Variants in SHMT1 observed in about 807,000 individuals in gnomAD.
SHMT1 encodes the protein serine hydroxymethyltransferase 1, also known as serine hydroxymethyltransferase, cytosolic.
Under a neutral mutation model 49.0 loss-of-function variants are expected in SHMT1, and 45 were observed. That is an observed-to-expected ratio of 0.92 (90% CI 0.72 to 1.18). The LOEUF is 1.18. Among genes scored for constraint, SHMT1 ranks in the 50% most tolerant of loss-of-function variants. SHMT1 has a pLI of 0.00. For synonymous variants in SHMT1, 232 were observed against 246.6 expected, an observed-to-expected ratio of 0.94 and a Z score of 0.55; for missense variants, 541 against 612.4, an observed-to-expected ratio of 0.88 and a Z score of 1.23.
intron 7 of SHMT1, among the ~76,000 whole-genome samples, chr17:18,338,290 G>C (rs187031834): frequency 6.6e-6 from 1 of 150,926 alleles, no homozygotes; most frequent in Non-Finnish European, 1.5e-5. Flanking sequence ...GAGCCCCTCC[G>C]CCTGGCAGTC....
At chr17:18,335,835 T>C (rs577343373) in intron 7 of SHMT1, among the ~76,000 whole-genome samples, 160 bp from the exon 8 acceptor site, 1 of 152,276 alleles carries the variant, frequency 6.6e-6, no homozygotes, top group East Asian at 1.9e-4. Flanking sequence ...AGGGGACCCT[T>C]GCCTCCTGAG....
In SHMT1 at chr17:18,353,739, G is replaced by A. The variant is rs570376791; in HGVS notation, c.175C>T (p.Arg59Ter). ...ELIASENFASRAVLEALGSCL... is the reference protein window; with the variant it reads ...ELIASENFAS The stretch of plus-strand genomic sequence containing the variant: ...GAGCCTAGGGCCTCCAAAACTGCTC[G>A]GCTGGCGAAATTCTCCGAGGCAATC... The change falls in exon 3 of 12, where the codon CGA becomes TGA. Residue 59 changes from arginine (R) to a stop codon, truncating the protein, a stop_gained. Transcript: ENST00000316694. LOFTEE classifies it high-confidence loss of function. 11 of 1,613,942 alleles carry A rather than the reference G, an allele frequency of 6.8e-6. No individual in the cohort carries two copies. Among genetic ancestry groups the A allele is most frequent in the Non-Finnish European group, 9.3e-6 (11 of 1,180,006 alleles).
At chr17:18,346,672 A>G (rs1019828325) in intron 5 of SHMT1, among the ~76,000 whole-genome samples, 1 of 152,156 alleles carries the variant, frequency 6.6e-6, no homozygotes, top group African/African-American at 2.4e-5. Context: ...AAAATATCAT[A>G]AAGTCAAAAA....
chr17:18,361,112 C>G (rs1194227024), intron 1 of SHMT1, among the ~76,000 whole-genome samples: 3 of 151,764 alleles, frequency 2.0e-5, no homozygotes, highest in Non-Finnish European at 2.9e-5. Context: ...TCGAGACCAG[C>G]CTGACCAACA....
At chr17:18,356,994 T>C (rs536595555) in intron 1 of SHMT1, among the ~76,000 whole-genome samples, 1 of 152,084 alleles carries the variant, frequency 6.6e-6, no homozygotes, top group African/African-American at 2.4e-5. Context: ...ATGAAGAATA[T>C]TTTCCGGCCG....
At chr17:18,343,321 T>C (rs1295708891) in intron 5 of SHMT1, among the ~76,000 whole-genome samples, 1 of 151,810 alleles carries the variant, frequency 6.6e-6, no homozygotes, top group Non-Finnish European at 1.5e-5. Flanking sequence ...TATAAACATA[T>C]GGGTCAGCCA....
At chr17:18,348,278 G>A (rs745559978) in intron 4 of SHMT1, 47 bp downstream of exon 4, 18 of 1,214,426 alleles carry the variant, frequency 1.5e-5, no homozygotes, top group African/African-American at 3.0e-5. Context: ...GGCCCTGGGG[G>A]ATGCACATGA....
At chr17:18,349,444 T>A (rs72561728) in intron 3 of SHMT1, among the ~76,000 whole-genome samples, 13 of 152,032 alleles carry the variant, frequency 8.6e-5, no homozygotes, top group Non-Finnish European at 1.3e-4. Context: ...AGTAACTACA[T>A]GCAGTGGCTC....
At chr17:18,357,118 A>G (rs1986308518) in intron 1 of SHMT1, among the ~76,000 whole-genome samples, 2 of 151,770 alleles carry the variant, frequency 1.3e-5, no homozygotes. Context: ...CATCTCTACT[A>G]AAAATACAAA....
At chr17:18,355,566 A>G (rs1171068111) in intron 2 of SHMT1, among the ~76,000 whole-genome samples, 1 of 152,030 alleles carries the variant, frequency 6.6e-6, no homozygotes, top group Non-Finnish European at 1.5e-5. Context: ...CAAGTAAAAT[A>G]AAATAAAATA....
chr17:18,357,182 G>A (rs1986315285), intron 1 of SHMT1, among the ~76,000 whole-genome samples: 1 of 150,036 alleles, frequency 6.7e-6, no homozygotes, highest in East Asian at 2.0e-4. Context: ...TTGGGAGGCT[G>A]AGGCAGGAGA....
intron 5 of SHMT1, among the ~76,000 whole-genome samples, chr17:18,345,245 G>A (rs1176876187): frequency 6.6e-6 from 1 of 152,150 alleles, no homozygotes; most frequent in Middle Eastern, 3.2e-3. Context: ...GGAACTGGGT[G>A]CGGGACGCAG....
At chr17:18,337,448 C>T (rs1369399969) in intron 7 of SHMT1, among the ~76,000 whole-genome samples, 2 of 152,158 alleles carry the variant, frequency 1.3e-5, no homozygotes, top group Non-Finnish European at 2.9e-5. Flanking sequence ...CAACGGGGTG[C>T]TGAGAAGCTG....
chr17:18,336,408 G>C (rs1983797661), intron 7 of SHMT1, among the ~76,000 whole-genome samples: 1 of 152,212 alleles, frequency 6.6e-6, no homozygotes, highest in Non-Finnish European at 1.5e-5. Flanking sequence ...GTTCATGCGT[G>C]TAATCCCAGC....
chr17:18,328,975 T>C (rs1440253180), intron 11 of SHMT1, 56 bp from the exon 12 acceptor site: 4 of 1,604,492 alleles, frequency 2.5e-6, no homozygotes, highest in African/African-American at 2.7e-5. Flanking sequence ...GGGGGTACAA[T>C]GGCTGGGGGC....
chr17:18,354,441 C>T (rs1745680453), intron 2 of SHMT1, among the ~76,000 whole-genome samples: 1 of 150,198 alleles, frequency 6.7e-6, no homozygotes, highest in Non-Finnish European at 1.5e-5. Flanking sequence ...AACAAAAAAA[C>T]AAAACTTAGA....
chr17:18,343,973 T>C (rs2151585132), intron 5 of SHMT1, among the ~76,000 whole-genome samples: 1 of 143,064 alleles, frequency 7.0e-6, no homozygotes, highest in Non-Finnish European at 1.5e-5. Flanking sequence ...CAGCAGAGCA[T>C]AGAGCGCACC....
chr17:18,340,105 A>G lies in SHMT1; in HGVS notation c.752T>C (p.Val251Ala). ...VPSPFEHCHV[V>A]TTTTHKTLRG... is the part of the protein sequence containing the mutation. Reference sequence around the variant, plus strand: ...CAGGGTCTTGTGAGTGGTGGTGGTCACCACATGGCAGTGTTCAAATGGGGA... The same window carrying G: ...CAGGGTCTTGTGAGTGGTGGTGGTCGCCACATGGCAGTGTTCAAATGGGGA... The change falls in exon 7 of 12, where the codon GTG (valine) becomes GCG (alanine). Residue 251 changes from valine (V) to alanine (A), a missense_variant. Val to Ala is a moderately conservative substitution (Grantham distance 64). Coordinates refer to ENST00000316694, the MANE Select transcript of SHMT1 (RefSeq NM_004169.5). The surrounding 1 kb of genome is among the most constrained non-coding windows in gnomAD (Gnocchi z 4.5). The G allele has an allele frequency of 6.2e-7, 1 of 1,614,170 alleles. No individual in the cohort carries two copies. The highest frequency in any genetic ancestry group is 8.5e-7 in the Non-Finnish European group (1 of 1,180,032).
chr17:18,338,040 G>C (rs36074773), intron 7 of SHMT1, among the ~76,000 whole-genome samples: 49,993 of 147,094 alleles, frequency 0.34, 9,503 homozygotes, highest in African/African-American at 0.49. Context: ...CTCATCATCT[G>C]GGATGTGAGG....
Sources: gnomAD v4.1 joint callset for allele counts (sites outside exome capture counted in the v4.1 genomes callset) on GRCh38, gnomAD v4.1.1 for gene constraint, Gnocchi (gnomAD v3.1) non-coding constraint, MANE v1.5 for transcripts, NCBI Gene and HGNC (gene_info 2026-07-23, HGNC 2026-07-21) for gene names.